The following PJA2 variants were observed in gnomAD, a reference collection of about 807,000 sequenced individuals.
PJA2 encodes E3 ubiquitin-protein ligase Praja-2.
In PJA2, 25 loss-of-function variants were observed where a neutral mutation model predicts 69.3. The ratio of observed to expected loss-of-function variants is 0.36; its 90% CI spans 0.26 to 0.50. The LOEUF (loss-of-function observed/expected upper bound fraction) is 0.50, where lower values mean the gene tolerates loss of function less well. Ranked by LOEUF, PJA2 falls within the 20% of genes least tolerant of loss-of-function variation. PJA2 has a pLI of 0.96. For synonymous variants in PJA2, 308 were observed against 277.8 expected, an observed-to-expected ratio of 1.11 and a Z score of -1.08; for missense variants, 809 against 830.2, an observed-to-expected ratio of 0.97 and a Z score of 0.31.
intron 1 of PJA2, among the ~76,000 whole-genome samples, chr5:109,402,174 G>C (rs1747568683): frequency 6.6e-6 from 1 of 152,072 alleles, no homozygotes; most frequent in Non-Finnish European, 1.5e-5. Flanking sequence ...AGGCATCAGA[G>C]AGCACATAAG....
At chr5:109,355,012 C>T (rs1312777622) in intron 7 of PJA2, among the ~76,000 whole-genome samples, 2 of 151,968 alleles carry the variant, frequency 1.3e-5, no homozygotes, top group African/African-American at 4.8e-5. Flanking sequence ...GTCCCCACTA[C>T]CTGGGACAGG....
chr5:109,360,480 A>C (rs1427716589), intron 6 of PJA2, among the ~76,000 whole-genome samples: 1 of 152,182 alleles, frequency 6.6e-6, no homozygotes, highest in Non-Finnish European at 1.5e-5. Flanking sequence ...AATGTGCCAA[A>C]GTTTGACTTT....
In PJA2 at chr5:109,378,976, C is replaced by A. The variant is rs779438631; in HGVS notation, c.511G>T (p.Asp171Tyr). The A allele has an allele frequency of 1.2e-6, 2 of 1,614,058 alleles. No individual in the cohort carries two copies. The highest frequency in any genetic ancestry group is 2.2e-5 in the South Asian group (2 of 91,090). ...ALVHTDSYDP[D>Y]GKHGEDNDHL... ...TCATTATCTTCTCCATGTTTGCCAT[C>A]TGGATCATAAGAGTCTGTATGAACC... The change falls in exon 4 of 10, where the codon GAT (aspartate) becomes TAT (tyrosine). Residue 171 changes from aspartate to tyrosine, a missense_variant. Asp to Tyr is a radical substitution (Grantham distance 160). This residue lies in a region of PJA2 where 700 missense variants were observed against 639.5 expected (regional missense o/e 1.09). Coordinates refer to ENST00000361189, the MANE Select transcript of PJA2 (RefSeq NM_014819.5).
intron 1 of PJA2, among the ~76,000 whole-genome samples, chr5:109,384,358 A>T (rs1467791741): frequency 6.6e-6 from 1 of 152,228 alleles, no homozygotes; most frequent in Non-Finnish European, 1.5e-5. Context: ...TTTAATCCCA[A>T]ATAAGAACCT....
chr5:109,406,529 C>G (rs768321029), intron 1 of PJA2, among the ~76,000 whole-genome samples: 1 of 152,096 alleles, frequency 6.6e-6, no homozygotes, highest in Non-Finnish European at 1.5e-5. Flanking sequence ...TAACCAAGTG[C>G]TGAGGATGAT....
At position 109,384,910 on chromosome 5, in the gene PJA2, C is replaced by T. The variant is rs1747124224; in HGVS notation, c.-87-1390G>A. Among the ~76,000 whole-genome samples the T allele has an allele frequency of 2.6e-5, 4 of 152,104 alleles. No homozygotes were observed. The South Asian group carries it at 6.2e-4, about 24-fold the overall frequency. On this transcript the variant is annotated intron_variant, in intron 1 of 9. Transcript: ENST00000361189. ...TCGGCTCACTGCAACTTCCACCTCACGGGTTCAAGTGATTCTCCTGCCTCA... is the reference window on the plus strand; with the variant it reads ...TCGGCTCACTGCAACTTCCACCTCATGGGTTCAAGTGATTCTCCTGCCTCA...
At chr5:109,396,762 G>A (rs561961347) in intron 1 of PJA2, among the ~76,000 whole-genome samples, 333 of 87,838 alleles carry the variant, frequency 3.8e-3, no homozygotes, top group Middle Eastern at 0.025. Flanking sequence ...ACCAAAAAAA[G>A]AAAAAAAAAA....
At chr5:109,359,847 T>C (rs920845706) in intron 6 of PJA2, among the ~76,000 whole-genome samples, 3 of 152,228 alleles carry the variant, frequency 2.0e-5, no homozygotes, top group South Asian at 2.1e-4. Flanking sequence ...TTGCTGACTT[T>C]GACAATTTTA....
intron 6 of PJA2, among the ~76,000 whole-genome samples, chr5:109,358,594 G>T (rs150111979): frequency 1.3e-5 from 2 of 152,086 alleles, no homozygotes; most frequent in African/African-American, 4.8e-5. Context: ...CGAGGTGGGC[G>T]GATCACTTTG....
chr5:109,341,980 C>T (rs1185332414), intron 9 of PJA2, among the ~76,000 whole-genome samples: 2 of 131,618 alleles, frequency 1.5e-5, no homozygotes, highest in East Asian at 2.4e-4. Flanking sequence ...CCCGGCCAGC[C>T]GCCCCGTCCG....
At chr5:109,355,264 TTTTGGAAATCAC>T (rs1004848200) in intron 7 of PJA2, among the ~76,000 whole-genome samples, 1 of 152,220 alleles carries the variant, frequency 6.6e-6, no homozygotes, top group African/African-American at 2.4e-5. Flanking sequence ...TGTACCTATA[TTTTGGAAATCAC>T]TTTGGAAATA....
chr5:109,393,883 AT>A (rs1399801097), intron 1 of PJA2, among the ~76,000 whole-genome samples: 2 of 152,180 alleles, frequency 1.3e-5, no homozygotes, highest in African/African-American at 4.8e-5. Context: ...TGTATGTTCC[AT>A]TTTTATAAAA....
chr5:109,341,581 C>T, intron 9 of PJA2, among the ~76,000 whole-genome samples: 2 of 141,022 alleles, frequency 1.4e-5, no homozygotes, highest in African/African-American at 2.7e-5. Flanking sequence ...CGGCCAGCCG[C>T]CCCGTCCGGG....
At chr5:109,358,261 T>C (rs547109380) in intron 6 of PJA2, among the ~76,000 whole-genome samples, 8 of 152,320 alleles carry the variant, frequency 5.3e-5, no homozygotes, top group African/African-American at 1.7e-4. Flanking sequence ...CCACAAACAA[T>C]AGCACGTGCC....
At chr5:109,373,629 T>C (rs1315416712) in intron 4 of PJA2, among the ~76,000 whole-genome samples, 2 of 152,142 alleles carry the variant, frequency 1.3e-5, no homozygotes, top group Non-Finnish European at 2.9e-5. Context: ...ATCCATTTGT[T>C]CTAGATTTTA....
intron 1 of PJA2, among the ~76,000 whole-genome samples, chr5:109,389,302 T>C (rs1032674414): frequency 1.3e-5 from 2 of 152,148 alleles, no homozygotes; most frequent in Non-Finnish European, 2.9e-5. Flanking sequence ...GGAAAGGTTT[T>C]TGATAAATTC....
intron 6 of PJA2, among the ~76,000 whole-genome samples, chr5:109,360,333 G>C (rs1053082566): frequency 6.6e-6 from 1 of 152,118 alleles, no homozygotes; most frequent in Non-Finnish European, 1.5e-5. Context: ...AGGTACTCTT[G>C]AGTATTTTGA....
chr5:109,346,385 T>C (rs1197646652), intron 7 of PJA2, among the ~76,000 whole-genome samples: 7 of 152,080 alleles, frequency 4.6e-5, no homozygotes, highest in African/African-American at 1.7e-4. Flanking sequence ...TATCACATAA[T>C]CCAGCAATTC....
At chr5:109,350,024 G>A (rs77352903) in intron 7 of PJA2, among the ~76,000 whole-genome samples, 4,731 of 152,196 alleles carry the variant, frequency 0.031, 96 homozygotes, top group Middle Eastern at 0.048. Context: ...ACAGAAATAA[G>A]GGATGTTATT....
Sources: gnomAD v4.1 joint callset for allele counts (sites outside exome capture counted in the v4.1 genomes callset) on GRCh38, gnomAD v4.1.1 for gene constraint, gnomAD v4.1.1 regional missense constraint, MANE v1.5 for transcripts, NCBI Gene and HGNC (gene_info 2026-07-23, HGNC 2026-07-21) for gene names.